PIWIL4: variants seen among roughly 807,000 people sequenced by gnomAD.
PIWIL4 encodes the protein piwi-like protein 4.
Under a neutral mutation model 100.9 loss-of-function variants are expected in PIWIL4, and 50 were observed. The observed-to-expected ratio is 0.50, with a 90% CI of 0.39 to 0.63. The LOEUF is 0.63. Ranked by LOEUF, PIWIL4 falls within the 20% of genes least tolerant of loss-of-function variation. The pLI is 0.00. For synonymous variants in PIWIL4, 342 were observed against 367.5 expected (o/e 0.93, Z 0.79); for missense variants, 887 against 1,043.3 (o/e 0.85, Z 2.06).
chr11:94,608,746 A>G, intron 15 of PIWIL4, 60 bp downstream of exon 15: 1 of 1,405,740 alleles, frequency 7.1e-7, no homozygotes, highest in South Asian at 1.2e-5. Flanking sequence ...TTGTGGTTTC[A>G]CTAAAGAATG....
chr11:94,586,203 G>A (rs920658645), intron 6 of PIWIL4, among the ~76,000 whole-genome samples: 10 of 151,808 alleles, frequency 6.6e-5, no homozygotes, highest in Non-Finnish European at 1.2e-4. Flanking sequence ...TCTCTATAAA[G>A]CACCCAATTC....
chr11:94,620,264 G>GGAAT (rs1199613587), intron 19 of PIWIL4, 120 bp downstream of exon 19: 11 of 1,109,644 alleles, frequency 9.9e-6, no homozygotes, highest in Admixed American at 2.9e-5. Flanking sequence ...TCCTAAAGAA[G>GGAAT]GAATGAATGA....
intron 8 of PIWIL4, among the ~76,000 whole-genome samples, chr11:94,592,943 C>G (rs1197279941): frequency 2.0e-5 from 3 of 152,090 alleles, no homozygotes; most frequent in Non-Finnish European, 4.4e-5. Context: ...TAAGTCACTT[C>G]CCCAGTGTCA....
Position 94,601,972 on chromosome 11 carries a change from C to A in PIWIL4, c.1558C>A (p.Pro520Thr), listed in dbSNP as rs1165032909. ...TTCCATGGGATTTAATGTGGACTAC[C>A]CCAAAATGTGAGAATACATTGAATT... is the stretch of plus-strand genomic sequence containing the variant. ...AGSMGFNVDY[P>T]KIIKVQENPA... Residue 520 changes from proline to threonine, a missense_variant, in exon 12 of 20, where the codon CCC becomes ACC. Pro to Thr is a conservative substitution (Grantham distance 38, BLOSUM62 -1). This residue lies in a region of PIWIL4 where 741 missense variants were observed against 930.0 expected (regional missense o/e 0.80). Transcript: ENST00000299001. The A allele has an allele frequency of 6.2e-7, 1 of 1,602,654 alleles. No individual in the cohort carries two copies. The highest frequency in any genetic ancestry group is 8.5e-7 in the Non-Finnish European group (1 of 1,176,830).
intron 15 of PIWIL4, among the ~76,000 whole-genome samples, chr11:94,612,799 C>CA (rs1308197074): frequency 6.6e-6 from 1 of 152,096 alleles, no homozygotes; most frequent in East Asian, 1.9e-4. Flanking sequence ...TTATCACATA[C>CA]AAAAACTCCT....
Position 94,597,848 on chromosome 11 carries a change from T to C in PIWIL4, c.1313T>C (p.Phe438Ser), listed in dbSNP as rs1305812184. The C allele has an allele frequency of 6.2e-7, 1 of 1,614,112 alleles. No homozygotes were observed. Among genetic ancestry groups the C allele is most frequent in the South Asian group, 1.1e-5 (1 of 91,086 alleles). ...GAACTAGAGACCTGGGGACTGCATT[T>C]TGGAAGCCAGATATCTCTGACTGGC... ...RFELETWGLH[F>S]GSQISLTGRI... Residue 438 changes from phenylalanine (F) to serine (S), a missense_variant, in exon 11 of 20, where the codon TTT becomes TCT. This residue lies in a region of PIWIL4 where 741 missense variants were observed against 930.0 expected (regional missense o/e 0.80). Coordinates refer to ENST00000299001, the MANE Select transcript of PIWIL4 (RefSeq NM_152431.3).
intron 2 of PIWIL4, 106 bp downstream of exon 2, chr11:94,568,914 T>G: frequency 1.0e-5 from 10 of 961,004 alleles, no homozygotes; most frequent in Non-Finnish European, 1.6e-5. Context: ...ACATCCTGAT[T>G]TCCTTTCCTT....
chr11:94,568,898 T>A, intron 2 of PIWIL4, 90 bp downstream of exon 2: 1 of 1,090,968 alleles, frequency 9.2e-7, no homozygotes, highest in South Asian at 1.3e-5. Flanking sequence ...TAGGCCCACC[T>A]CTTGCACATC....
chr11:94,568,370 C>T (rs1192125269), intron 1 of PIWIL4, among the ~76,000 whole-genome samples: 1 of 152,072 alleles, frequency 6.6e-6, no homozygotes, highest in Non-Finnish European at 1.5e-5. Context: ...TGACCCGGGG[C>T]CTCTGTTCAT....
chr11:94,578,456 A>G lies in PIWIL4; in HGVS notation c.513+964A>G, dbSNP rs539418981. ...CTTTGGTCTTCTCAATTAGGGCATG[A>G]ACAAGATGAATTTTTTTTCCTTGCA... On this transcript the variant is annotated intron_variant, in intron 4 of 19. Coordinates refer to ENST00000299001, the MANE Select transcript of PIWIL4 (RefSeq NM_152431.3). Among the ~76,000 whole-genome samples, 133 of 152,312 alleles carry G rather than the reference A, an allele frequency of 8.7e-4. 2 individuals are homozygous for G. The highest frequency in any genetic ancestry group is 3.1e-3 in the African/African-American group (128 of 41,562).
At chr11:94,611,424 C>G (rs1260631002) in intron 15 of PIWIL4, among the ~76,000 whole-genome samples, 1 of 152,084 alleles carries the variant, frequency 6.6e-6, no homozygotes, top group African/African-American at 2.4e-5. Context: ...ACTTTTGCTG[C>G]ATCCCATAAG....
chr11:94,620,908 T>C lies in PIWIL4; in HGVS notation c.2475T>C (p.Tyr825=). Residue 825 remains tyrosine, a synonymous_variant, in exon 20 of 20, where the codon TAT becomes TAC. Coordinates refer to ENST00000299001, the MANE Select transcript of PIWIL4 (RefSeq NM_152431.3). ...TCAGTGTCCCAGCACCATGTCAGTA[T>C]GCTCACAAGCTGACCTTTCTGGTGG... ...GIVSVPAPCQ[Y]AHKLTFLVAQ... is the part of the protein sequence containing the mutation. 6.2e-7 allele frequency: 1 copy of C among 1,613,994 alleles called. No homozygotes were observed. The highest frequency in any genetic ancestry group is 8.5e-7 in the Non-Finnish European group (1 of 1,179,980).
intron 2 of PIWIL4, among the ~76,000 whole-genome samples, chr11:94,574,491 ACTAACTCAAGAT>A (rs1158602311): frequency 6.6e-6 from 1 of 152,186 alleles, no homozygotes; most frequent in Non-Finnish European, 1.5e-5. Context: ...AAGGGCAAGA[ACTAACTCAAGAT>A]CTGTTTTTGT....
chr11:94,603,247 A>G (rs1948668695), intron 12 of PIWIL4, among the ~76,000 whole-genome samples: 1 of 152,158 alleles, frequency 6.6e-6, no homozygotes, highest in East Asian at 1.9e-4. Flanking sequence ...ATCTGCAGTC[A>G]TGGGGTTGAT....
intron 13 of PIWIL4, among the ~76,000 whole-genome samples, chr11:94,604,275 T>C (rs1244320536): frequency 6.6e-6 from 1 of 152,236 alleles, no homozygotes; most frequent in Non-Finnish European, 1.5e-5. Flanking sequence ...GTTACCCCTA[T>C]AACAGCCATT....
chr11:94,617,893 A>G (rs1948863455), intron 16 of PIWIL4, 61 bp from the exon 17 acceptor site: 3 of 1,546,292 alleles, frequency 1.9e-6, no homozygotes, highest in African/African-American at 1.4e-5. Context: ...ATATATGGGA[A>G]TGTTATTTTT....
intron 2 of PIWIL4, among the ~76,000 whole-genome samples, 184 bp from the exon 3 acceptor site, chr11:94,574,815 T>G (rs1031153345): frequency 2.0e-5 from 3 of 152,242 alleles, no homozygotes; most frequent in African/African-American, 7.2e-5. Flanking sequence ...CGTTCTGTGT[T>G]TTCTTCACAA....
At chr11:94,569,714 G>A (rs73521559) in intron 2 of PIWIL4, among the ~76,000 whole-genome samples, 3,861 of 151,340 alleles carry the variant, frequency 0.026, 190 homozygotes, top group African/African-American at 0.09. Flanking sequence ...CTCAGAAACA[G>A]AAAGTCAAAT....
chr11:94,584,414 C>CT (rs1464935954), intron 5 of PIWIL4, among the ~76,000 whole-genome samples: 9 of 152,186 alleles, frequency 5.9e-5, no homozygotes, highest in African/African-American at 2.2e-4. Context: ...AGTCAGATGT[C>CT]TTGTCCAGCA....
Sources: gnomAD v4.1 joint callset for allele counts (sites outside exome capture counted in the v4.1 genomes callset) on GRCh38, gnomAD v4.1.1 for gene constraint, gnomAD v4.1.1 regional missense constraint, MANE v1.5 for transcripts, NCBI Gene and HGNC (gene_info 2026-07-23, HGNC 2026-07-21) for gene names.